Variants in PALM2AKAP2 observed in about 807,000 individuals in gnomAD.
PALM2AKAP2 encodes PALM2-AKAP2 fusion protein.
In PALM2AKAP2, 37 loss-of-function variants were observed where a neutral mutation model predicts 71.5. The ratio of observed to expected loss-of-function variants is 0.52; its 90% confidence interval spans 0.40 to 0.68. The LOEUF is 0.68. Ranked by LOEUF, PALM2AKAP2 falls within the 30% of genes least tolerant of loss-of-function variation. PALM2AKAP2 has a pLI of 0.00. For synonymous variants in PALM2AKAP2, 468 were observed against 478.8 expected, an observed-to-expected ratio of 0.98 and a Z score of 0.29; for missense variants, 1,224 against 1,191.8, an observed-to-expected ratio of 1.03 and a Z score of -0.40.
intron 1 of PALM2AKAP2, among the ~76,000 whole-genome samples, chr9:109,693,573 T>C (rs1246517887): frequency 6.6e-6 from 1 of 152,040 alleles, no homozygotes; most frequent in South Asian, 2.1e-4. Flanking sequence ...TTCTCTAATA[T>C]TGATATTCTA....
rs942005283 is a variant in PALM2AKAP2, at chr9:109,897,874, C to G, written c.257+17193C>G. ...TCATATTGTTCATCTCCTCTATCCT[C>G]TCACCAAGATTCCACTGTGTTTCAT... On this transcript the variant is annotated intron_variant, in intron 3 of 9. Coordinates refer to the PALM2AKAP2 transcript ENST00000302798. Among the ~76,000 whole-genome samples, 5 of 152,198 alleles carry G rather than the reference C, an allele frequency of 3.3e-5. No individual in the cohort carries two copies. In the South Asian group the frequency reaches 6.2e-4, roughly 19 times the overall value.
intron 1 of PALM2AKAP2, among the ~76,000 whole-genome samples, chr9:110,071,163 C>CAAAAAA (rs768229567): frequency 2.3e-4 from 23 of 101,834 alleles, no homozygotes; most frequent in South Asian, 3.7e-4. Flanking sequence ...GACTCTGTTT[C>CAAAAAA]AAAAAAAAAA....
At chr9:110,137,369 G>A in exon 2 of PALM2AKAP2, 2 of 1,614,146 alleles carry the variant, frequency 1.2e-6, no homozygotes, top group Non-Finnish European at 1.7e-6. Context: ...TTCTGTCGGG[G>A]GACCTCCAGA....
At chr9:110,003,497 G>A (rs1331326537) in intron 6 of PALM2AKAP2, among the ~76,000 whole-genome samples, 2 of 152,156 alleles carry the variant, frequency 1.3e-5, no homozygotes, top group East Asian at 3.8e-4. Context: ...TGAAAAGAAT[G>A]TACATTCTCT....
intron 6 of PALM2AKAP2, among the ~76,000 whole-genome samples, chr9:110,007,536 G>A (rs1347217917): frequency 6.6e-6 from 1 of 152,144 alleles, no homozygotes; most frequent in African/African-American, 2.4e-5. Flanking sequence ...TTCCTAAGCT[G>A]GAACTTTTGG....
At chr9:109,915,059 G>A (rs1415117712) in intron 3 of PALM2AKAP2, among the ~76,000 whole-genome samples, 1 of 152,160 alleles carries the variant, frequency 6.6e-6, no homozygotes, top group African/African-American at 2.4e-5. Context: ...TGGAAAATAA[G>A]TTTTGTTTGC....
At chr9:110,027,764 G>A (rs1234903551) in intron 7 of PALM2AKAP2, among the ~76,000 whole-genome samples, 1 of 152,186 alleles carries the variant, frequency 6.6e-6, no homozygotes, top group Non-Finnish European at 1.5e-5. Flanking sequence ...GACTCTTCCG[G>A]TGGTGAATAG....
chr9:109,954,874 T>TTGAGAA (rs929047513), intron 6 of PALM2AKAP2, among the ~76,000 whole-genome samples: 11 of 152,306 alleles, frequency 7.2e-5, no homozygotes, highest in Admixed American at 3.3e-4. Flanking sequence ...CCGACTTCTC[T>TTGAGAA]TGAGAATTCA....
rs1187857718 is a variant in PALM2AKAP2, at chr9:109,982,725, AGAG to A, written c.497-33228_497-33226del. On this transcript the variant is annotated intron_variant, in intron 6 of 9. Transcript: ENST00000302798. ...CTGCAGCCTAGAGCTCCAGGGCTCA[AGAG>A]ATTCACCAGCTTCAGCCTCCCAAGT... 1.5e-3 allele frequency among the ~76,000 whole-genome samples: 223 copies of A among 152,314 alleles called. 1 individual carries two copies. The highest frequency in any genetic ancestry group is 2.4e-3 in the Admixed American group (36 of 15,294).
At chr9:110,003,043 C>G (rs1832710444) in intron 6 of PALM2AKAP2, among the ~76,000 whole-genome samples, 4 of 152,218 alleles carry the variant, frequency 2.6e-5, no homozygotes, top group African/African-American at 9.6e-5. Context: ...CAGTTCTGCT[C>G]TGATCTTAGT....
intron 6 of PALM2AKAP2, among the ~76,000 whole-genome samples, chr9:109,985,536 C>T (rs1256737976): frequency 2.0e-5 from 3 of 148,482 alleles, no homozygotes; most frequent in South Asian, 2.1e-4. Context: ...AGGAGAATGG[C>T]GTGAACCTGG....
intron 1 of PALM2AKAP2, among the ~76,000 whole-genome samples, chr9:109,845,341 G>A (rs1179537723): frequency 1.3e-5 from 2 of 152,236 alleles, no homozygotes; most frequent in African/African-American, 4.8e-5. Context: ...AGAGAGAGCA[G>A]TCACTCCGCC....
At chr9:110,054,227 C>T (rs755433135) in intron 1 of PALM2AKAP2, among the ~76,000 whole-genome samples, 7 of 152,156 alleles carry the variant, frequency 4.6e-5, no homozygotes, top group African/African-American at 9.7e-5. Flanking sequence ...TGGAGAAACC[C>T]GGTCTCTACT....
chr9:109,948,385 G>T (rs1299909836), intron 6 of PALM2AKAP2, among the ~76,000 whole-genome samples: 2 of 152,088 alleles, frequency 1.3e-5, no homozygotes, highest in African/African-American at 4.8e-5. Context: ...ATATAAGAAG[G>T]TCGGAACTGT....
intron 7 of PALM2AKAP2, chr9:110,024,832 T>G (rs539257777): frequency 4.0e-5 from 28 of 699,840 alleles, no homozygotes; most frequent in African/African-American, 2.7e-4. Flanking sequence ...TTTGTTTTTT[T>G]TTTTTAACAG....
intron 2 of PALM2AKAP2, among the ~76,000 whole-genome samples, chr9:110,153,415 G>A (rs975186444): frequency 6.6e-6 from 1 of 152,140 alleles, no homozygotes; most frequent in Non-Finnish European, 1.5e-5. Context: ...CAAATGACAT[G>A]AAGCCTACAA....
chr9:109,658,357 T>G (rs1458842827), intron 1 of PALM2AKAP2, among the ~76,000 whole-genome samples: 7 of 152,156 alleles, frequency 4.6e-5, no homozygotes, highest in African/African-American at 1.7e-4. Flanking sequence ...TAATCAGGTT[T>G]TCATTCCCTG....
chr9:110,039,714 AG>A (rs1833479261), intron 7 of PALM2AKAP2, among the ~76,000 whole-genome samples: 1 of 152,160 alleles, frequency 6.6e-6, no homozygotes, highest in Admixed American at 6.6e-5. Flanking sequence ...CAGCAGCAGC[AG>A]CACCTATCTG....
intron 1 of PALM2AKAP2, among the ~76,000 whole-genome samples, chr9:109,661,298 T>C (rs1023034394): frequency 7.9e-5 from 12 of 152,354 alleles, no homozygotes; most frequent in African/African-American, 2.6e-4. Flanking sequence ...TGGTTTTAGG[T>C]CTACCATTTA....
Sources: allele counts gnomAD v4.1 joint callset (sites outside exome capture counted in the v4.1 genomes callset), GRCh38; gene constraint gnomAD v4.1.1; transcripts MANE v1.5; gene names NCBI Gene and HGNC (gene_info 2026-07-23, HGNC 2026-07-21).